CARS1: variants seen among roughly 807,000 people sequenced by gnomAD.
The protein encoded by CARS1 is cysteinyl-tRNA synthetase 1.
CARS1 carries 48 observed loss-of-function variants against 106.2 expected under a neutral mutation model. The ratio of observed to expected loss-of-function variants is 0.45; its 90% CI spans 0.36 to 0.57. The LOEUF (loss-of-function observed/expected upper bound fraction) is 0.57. CARS1 is among the 20% of genes least tolerant of loss of function. The probability of loss-of-function intolerance (pLI) is 0.00; values close to 1 mark genes in which losing one functional copy is unlikely to be tolerated. For missense variants in CARS1, 968 were observed against 1,057.2 expected, an observed-to-expected ratio of 0.92 and a Z score of 1.17; for synonymous variants, 409 against 403.4, an observed-to-expected ratio of 1.01 and a Z score of -0.17.
Position 3,017,719 on chromosome 11 carries a change from C to A in CARS1, c.1727+138G>T, listed in dbSNP as rs1851183906. On this transcript the variant is annotated intron_variant, in intron 15 of 22. Transcript: ENST00000380525. This position sits in a 1 kb window ranked among gnomAD's most constrained non-coding sequence, Gnocchi z 4.9. ...AGCTCCCATTAGCAGAGCCGCCTAT[C>A]CTGAATTAATTCTGCACAACGTACG... is the stretch of plus-strand genomic sequence containing the variant. The A allele has an allele frequency of 1.6e-6, 1 of 633,506 alleles. No individual in the cohort carries two copies. The highest frequency in any genetic ancestry group is 3.0e-5 in the Admixed American group (1 of 33,302). The allele number at this position is 633,506 out of a possible 1,614,324, so 39.2% of individuals were successfully genotyped here. A position where few individuals can be genotyped will look rare whatever the true frequency, so the allele number is the denominator to read the frequency against.
rs1441510496 is a variant in CARS1 at position 3,039,382 on chromosome 11, A to T, written c.553-90T>A. 3.8e-6 allele frequency: 3 copies of T among 799,198 alleles called. No individual in the cohort carries two copies. Among genetic ancestry groups the T allele is most frequent in the Non-Finnish European group, 6.5e-6 (3 of 459,994 alleles). 49.5% of individuals were successfully genotyped at this position (799,198 alleles called of 1,614,324 possible). On this transcript the variant is annotated intron_variant, in intron 5 of 22. Transcript: ENST00000380525. This position sits in a 1 kb window ranked among gnomAD's most constrained non-coding sequence, Gnocchi z 5.6. Reference sequence around the variant, plus strand: ...GCCACTCTCTCCCTTGGCCAACTCTAAGTGAGGGTGAGGGTGGTGGGAGAC... The same window carrying T: ...GCCACTCTCTCCCTTGGCCAACTCTTAGTGAGGGTGAGGGTGGTGGGAGAC...
chr11:3,026,977 A>G, intron 9 of CARS1, 180 bp from the exon 10 acceptor site: 1 of 665,826 alleles, frequency 1.5e-6, no homozygotes, highest in Middle Eastern at 4.0e-4. Flanking sequence ...ACCAGGGCCC[A>G]TCCCGCTGCG....
At chr11:3,015,304 C>T (rs1301553591) in intron 17 of CARS1, among the ~76,000 whole-genome samples, 4 of 152,378 alleles carry the variant, frequency 2.6e-5, no homozygotes, top group Admixed American at 2.6e-4. Flanking sequence ...AGGGTCAGGA[C>T]TGGGCCTGTT....
rs1852655289 is a variant in CARS1 at position 3,030,807 on chromosome 11, T to C, written c.802-1364A>G. 1 of 152,204 alleles carries C rather than the reference T, an allele frequency of 6.6e-6. No homozygotes were observed. The highest frequency in any genetic ancestry group is 2.4e-5 in the African/African-American group (1 of 41,420). 9.4% of individuals were successfully genotyped at this position (152,204 alleles called of 1,614,324 possible). On this transcript the variant is annotated intron_variant, in intron 7 of 22. Transcript: ENST00000380525. This position sits in a 1 kb window ranked among gnomAD's most constrained non-coding sequence, Gnocchi z 5.7. ...GCCAGCAAAGCGGCCCAGCTGGATC[T>C]GAAAATAGAAGCAAACGGAACCTGC...
At position 3,039,567 on chromosome 11, in the gene CARS1, C is replaced by T. The variant is rs941620297; in HGVS notation, c.552+268G>A. On this transcript the variant is annotated intron_variant, in intron 5 of 22. Coordinates refer to ENST00000380525, the MANE Select transcript of CARS1 (RefSeq NM_001014437.3). The surrounding 1 kb of genome is among the most constrained non-coding windows in gnomAD (Gnocchi z 5.6). ...CCCCTGCAAGCCACATGTCGAAGTG[C>T]GTGCTGTGGGAGGCCTTCCTTCTGC... 1.5e-4 allele frequency among the ~76,000 whole-genome samples: 23 copies of T among 152,198 alleles called. No individual in the cohort carries two copies. The highest frequency in any genetic ancestry group is 7.8e-4 in the Admixed American group (12 of 15,288).
intron 18 of CARS1, among the ~76,000 whole-genome samples, chr11:3,011,105 C>A (rs1010347967): frequency 5.9e-5 from 9 of 152,234 alleles, no homozygotes; most frequent in Non-Finnish European, 7.3e-5. Flanking sequence ...AAGCAGTGGG[C>A]AGGGCCCAGC....
rs1366904287 is a variant in CARS1, at chr11:3,046,191, G to C, written c.274+1562C>G. On this transcript the variant is annotated intron_variant, in intron 2 of 22. Transcript: ENST00000380525. This position sits in a 1 kb window ranked among gnomAD's most constrained non-coding sequence, Gnocchi z 5.8. ...TCTGTAGGTTAAAAAGTGTTTGCAA[G>C]AGCAAAACCCTTCCTTCCTCTCACA... Among the ~76,000 whole-genome samples the C allele has an allele frequency of 6.6e-6, 1 of 152,172 alleles. No individual in the cohort carries two copies. The highest frequency in any genetic ancestry group is 1.5e-5 in the Non-Finnish European group (1 of 68,026).
Position 3,020,350 on chromosome 11 carries a change from G to C in CARS1, c.1154-18C>G. The C allele has an allele frequency of 6.6e-7, 1 of 1,516,660 alleles. No homozygotes were observed. The allele number at this position is 1,516,660 out of a possible 1,614,324, so 94.0% of individuals were successfully genotyped here. ...CAGGTCACCTGCAAACACGAGGGAC[G>C]CCAGGCAAGGTCACTCAGCAGCACC... On this transcript the variant is annotated intron_variant, in intron 10 of 22. Transcript: ENST00000380525. The surrounding 1 kb of genome is among the most constrained non-coding windows in gnomAD (Gnocchi z 4.6).
Position 3,020,637 on chromosome 11 carries a change from C to G in CARS1, c.1154-305G>C, listed in dbSNP as rs763728749. Among the ~76,000 whole-genome samples the G allele has an allele frequency of 6.6e-6, 1 of 152,210 alleles. No homozygotes were observed. The highest frequency in any genetic ancestry group is 6.5e-5 in the Admixed American group (1 of 15,286). ...TCCTGCTGCCTTCTCACAGCATTAG[C>G]CCACCAGTGTCTAGGACAAGTGATA... On this transcript the variant is annotated intron_variant, in intron 10 of 22. Coordinates refer to ENST00000380525, the MANE Select transcript of CARS1 (RefSeq NM_001014437.3). This position sits in a 1 kb window ranked among gnomAD's most constrained non-coding sequence, Gnocchi z 4.6.
Position 3,048,420 on chromosome 11 carries a change from T to G in CARS1, c.26-419A>C, listed in dbSNP as rs541220862. On this transcript the variant is annotated intron_variant, in intron 1 of 22. Transcript: ENST00000380525. This position sits in a 1 kb window ranked among gnomAD's most constrained non-coding sequence, Gnocchi z 5.1. ...ATTACACAGTTCAGTTTCTGACATTTGGGGAAATCATAGGGGTCAGCACAT... is the reference window on the plus strand; with the variant it reads ...ATTACACAGTTCAGTTTCTGACATTGGGGGAAATCATAGGGGTCAGCACAT... The G allele has an allele frequency of 1.2e-5, 2 of 162,040 alleles. No homozygotes were observed. Among genetic ancestry groups the G allele is most frequent in the South Asian group, 1.7e-4 (1 of 5,798 alleles). The allele number at this position is 162,040 out of a possible 1,614,324, so 10.0% of individuals were successfully genotyped here. A position where few individuals can be genotyped will look rare whatever the true frequency, so the allele number is the denominator to read the frequency against.
At chr11:3,032,971 G>A (rs1354537917) in intron 7 of CARS1, among the ~76,000 whole-genome samples, 1 of 151,828 alleles carries the variant, frequency 6.6e-6, no homozygotes, top group Non-Finnish European at 1.5e-5. Flanking sequence ...CGGATGCTGG[G>A]GGAGGTGACG....
At position 3,039,268 on chromosome 11, in the gene CARS1, G is replaced by T; in HGVS notation, c.577C>A (p.His193Asn). ...TTCTCCCGATACTGCTCGAACAGGT[G>T]GTTCTGCCGGGCCCTCTTGATGATC... ...DKIIKRARQNHLFEQYREKRP... is the reference protein window; with the variant it reads ...DKIIKRARQNNLFEQYREKRP... Residue 193 changes from histidine to asparagine, a missense_variant, in exon 6 of 23, where the codon CAC becomes AAC. By Grantham distance (68) the His-to-Asn change is moderately conservative. Coordinates refer to ENST00000380525, the MANE Select transcript of CARS1 (RefSeq NM_001014437.3). The surrounding 1 kb of genome is among the most constrained non-coding windows in gnomAD (Gnocchi z 5.6). 1 of 1,613,280 alleles carries T rather than the reference G, an allele frequency of 6.2e-7. No individual in the cohort carries two copies. The highest frequency in any genetic ancestry group is 8.5e-7 in the Non-Finnish European group (1 of 1,179,350).
chr11:3,016,424 C>A (rs138556462), intron 16 of CARS1, among the ~76,000 whole-genome samples: 1 of 151,770 alleles, frequency 6.6e-6, no homozygotes, highest in East Asian at 2.0e-4. Flanking sequence ...GGGGTTTCAC[C>A]GTGTTAGTCA....
chr11:3,017,709 A>G lies in CARS1; in HGVS notation c.1727+148T>C. ...CACCCAGAGCAGCTCCCATTAGCAG[A>G]GCCGCCTATCCTGAATTAATTCTGC... On this transcript the variant is annotated intron_variant, in intron 15 of 22. Coordinates refer to ENST00000380525, the MANE Select transcript of CARS1 (RefSeq NM_001014437.3). The surrounding 1 kb of genome is among the most constrained non-coding windows in gnomAD (Gnocchi z 4.9). The G allele has an allele frequency of 1.6e-6, 1 of 616,706 alleles. No individual in the cohort carries two copies. Among genetic ancestry groups the G allele is most frequent in the Non-Finnish European group, 2.9e-6 (1 of 345,046 alleles). The allele number at this position is 616,706 out of a possible 1,614,324, so 38.2% of individuals were successfully genotyped here.
At position 3,046,162 on chromosome 11, in the gene CARS1, C is replaced by G. The variant is rs897085686; in HGVS notation, c.274+1591G>C. ...GTTACACAGCAACGTGGCTCTGCTTCCTCTCTGTAGGTTAAAAAGTGTTTG... is the reference window on the plus strand; with the variant it reads ...GTTACACAGCAACGTGGCTCTGCTTGCTCTCTGTAGGTTAAAAAGTGTTTG... On this transcript the variant is annotated intron_variant, in intron 2 of 22. Transcript: ENST00000380525. This position sits in a 1 kb window ranked among gnomAD's most constrained non-coding sequence, Gnocchi z 5.8. Among the ~76,000 whole-genome samples, 4 of 152,188 alleles carry G rather than the reference C, an allele frequency of 2.6e-5. No homozygotes were observed. The highest frequency in any genetic ancestry group is 5.9e-5 in the Non-Finnish European group (4 of 68,028).
rs200664585 is a variant in CARS1, at chr11:3,040,950, G to A, written c.401C>T (p.Thr134Met). 1.2e-4 allele frequency: 194 copies of A among 1,614,010 alleles called. 2 individuals are homozygous for A. Among genetic ancestry groups the A allele is most frequent in the Middle Eastern group, 4.9e-4 (3 of 6,084 alleles). Residue 134 changes from threonine to methionine, a missense_variant, in exon 4 of 23, where the codon ACG (threonine) becomes ATG (methionine). Thr to Met is a moderately conservative substitution (Grantham distance 81, BLOSUM62 -1). Coordinates refer to ENST00000380525, the MANE Select transcript of CARS1 (RefSeq NM_001014437.3). The surrounding 1 kb of genome is among the most constrained non-coding windows in gnomAD (Gnocchi z 5.8). ...GACGGTTGGCCCACAGCAATACCAC[G>A]TCACCTTTTTCCCATCTTGAGGTAT... ...VFIPQDGKKV[T>M]WYCCGPTVYD...
At position 3,003,803 on chromosome 11, in the gene CARS1, C is replaced by T. The variant is rs1039972005; in HGVS notation, c.2218-1203G>A. Among the ~76,000 whole-genome samples the T allele has an allele frequency of 1.2e-4, 19 of 152,254 alleles. No homozygotes were observed. The highest frequency in any genetic ancestry group is 3.9e-4 in the African/African-American group (16 of 41,542). Reference sequence around the variant, plus strand: ...TGTTTATGTGCTGGTGGGAATGGTACAGGGAGAGGCAGGACCCCTCCCCCA... The same window carrying T: ...TGTTTATGTGCTGGTGGGAATGGTATAGGGAGAGGCAGGACCCCTCCCCCA... On this transcript the variant is annotated intron_variant, in intron 20 of 22. Coordinates refer to ENST00000380525, the MANE Select transcript of CARS1 (RefSeq NM_001014437.3). The surrounding 1 kb of genome is among the most constrained non-coding windows in gnomAD (Gnocchi z 4.8).
intron 18 of CARS1, among the ~76,000 whole-genome samples, chr11:3,010,294 G>C (rs532232440): frequency 6.6e-6 from 1 of 152,324 alleles, no homozygotes; most frequent in Admixed American, 6.5e-5. Context: ...TATGACCCCA[G>C]GGAGCTGGGG....
intron 20 of CARS1, 84 bp downstream of exon 20, chr11:3,005,273 ACATCAATGC>A (rs1332264316): frequency 1.1e-6 from 1 of 898,128 alleles, no homozygotes; most frequent in Admixed American, 2.4e-5. Context: ...AAAAGTGTAA[ACATCAATGC>A]TTAAAAAGTA....
Sources: gnomAD v4.1 joint callset for allele counts (sites outside exome capture counted in the v4.1 genomes callset) on GRCh38, gnomAD v4.1.1 for gene constraint, Gnocchi (gnomAD v3.1) non-coding constraint, MANE v1.5 for transcripts, NCBI Gene and HGNC (gene_info 2026-07-23, HGNC 2026-07-21) for gene names.